CNTNAP2: variants seen among roughly 807,000 people sequenced by gnomAD.
CNTNAP2 encodes contactin associated protein 2, also known as contactin-associated protein-like 2.
Under a neutral mutation model 155.2 loss-of-function variants are expected in CNTNAP2, and 98 were observed. The ratio of observed to expected loss-of-function variants is 0.63; its 90% confidence interval spans 0.54 to 0.75. The LOEUF (loss-of-function observed/expected upper bound fraction) is 0.75, where lower values mean the gene tolerates loss of function less well. CNTNAP2 is among the 30% of genes least tolerant of loss of function. The pLI is 0.00. For synonymous variants in CNTNAP2, 651 were observed against 631.2 expected, an observed-to-expected ratio of 1.03 and a Z score of -0.47; for missense variants, 1,727 against 1,688.1, an observed-to-expected ratio of 1.02 and a Z score of -0.40.
At chr7:146,132,525 A>G (rs1797731015) in intron 1 of CNTNAP2, among the ~76,000 whole-genome samples, 1 of 149,408 alleles carries the variant, frequency 6.7e-6, no homozygotes, top group Non-Finnish European at 1.5e-5. Context: ...CTAACTCGTC[A>G]TCTAGCATTA....
chr7:148,147,323 A>G (rs1805202751), intron 16 of CNTNAP2, among the ~76,000 whole-genome samples, 168 bp from the exon 17 acceptor site: 1 of 152,196 alleles, frequency 6.6e-6, no homozygotes, highest in Admixed American at 6.5e-5. Flanking sequence ...TTAATGGTTA[A>G]TGATTGACAT....
chr7:146,686,355 G>A (rs969751158), intron 1 of CNTNAP2, among the ~76,000 whole-genome samples: 1 of 152,070 alleles, frequency 6.6e-6, no homozygotes. Flanking sequence ...GCGATTGTAC[G>A]TAGCCTGTAT....
Position 146,736,188 on chromosome 7 carries a change from C to G in CNTNAP2, c.98-38083C>G, listed in dbSNP as rs967645627. On this transcript the variant is annotated intron_variant, in intron 1 of 23. Coordinates refer to ENST00000361727, the MANE Select transcript of CNTNAP2 (RefSeq NM_014141.6). Reference sequence around the variant, plus strand: ...GATGTGGATAGGTTATATGCAAACACTGGGCCGTTTGACATAAGGGATTTG... The same window carrying G: ...GATGTGGATAGGTTATATGCAAACAGTGGGCCGTTTGACATAAGGGATTTG... Among the ~76,000 whole-genome samples the G allele has an allele frequency of 2.0e-5, 3 of 151,926 alleles. No individual in the cohort carries two copies. In the South Asian group the frequency reaches 6.2e-4, roughly 31 times the overall value.
At chr7:147,603,685 T>A (rs971974219) in intron 12 of CNTNAP2, among the ~76,000 whole-genome samples, 4 of 152,154 alleles carry the variant, frequency 2.6e-5, no homozygotes, top group Non-Finnish European at 4.4e-5. Context: ...CCCATCAAGC[T>A]ACCAATGACT....
chr7:148,383,716 AGTCCAGTTCAACCAGATC>A lies in CNTNAP2; in HGVS notation c.3545_3562del (p.Val1182_Ile1187del). On this transcript the variant is annotated inframe_deletion, in exon 22 of 24. Transcript: ENST00000361727. ...CAGGATTCACTGGTTGCCTCTCCAGAGTCCAGTTCAACCAGATCGCCCCTCTCAAGGCCGCCTTGAGGC... is the reference window on the plus strand; with the variant it reads ...CAGGATTCACTGGTTGCCTCTCCAGAGCCCCTCTCAAGGCCGCCTTGAGGC... The A allele has an allele frequency of 6.2e-7, 1 of 1,614,214 alleles. No individual in the cohort carries two copies. Among genetic ancestry groups the A allele is most frequent in the Non-Finnish European group, 8.5e-7 (1 of 1,180,032 alleles).
intron 15 of CNTNAP2, among the ~76,000 whole-genome samples, chr7:148,116,359 A>G (rs1385121758): frequency 1.3e-5 from 2 of 152,190 alleles, no homozygotes; most frequent in East Asian, 3.9e-4. Flanking sequence ...TAAATACTGA[A>G]ACGAAACTAA....
rs1211087644 is a variant in CNTNAP2, at chr7:146,347,714, C to A, written c.97+230741C>A. 6.6e-5 allele frequency among the ~76,000 whole-genome samples: 10 copies of A among 152,166 alleles called. No homozygotes were observed. The East Asian group carries it at 1.9e-3, about 29-fold the overall frequency. ...CCAAATAGTTGGGATTACAGGCACC[C>A]AACAAAACACCTTGCTAATTTTTGT... On this transcript the variant is annotated intron_variant, in intron 1 of 23. Transcript: ENST00000361727.
rs147778662 is a variant in CNTNAP2 at position 147,669,418 on chromosome 7, T to G, written c.2098+30112T>G. On this transcript the variant is annotated intron_variant, in intron 13 of 23. Transcript: ENST00000361727. The stretch of plus-strand genomic sequence containing the variant: ...TTGCATAGGTCCCTAATTAATTTTC[T>G]TAAAATAAGTCCCAAAGTGGAATTC... Among the ~76,000 whole-genome samples the G allele has an allele frequency of 3.2e-3, 495 of 152,350 alleles. 2 individuals carry two copies. Among genetic ancestry groups the G allele is most frequent in the African/African-American group, 0.011 (460 of 41,586 alleles).
intron 1 of CNTNAP2, among the ~76,000 whole-genome samples, chr7:146,267,401 G>C (rs1186769724): frequency 6.6e-6 from 1 of 152,060 alleles, no homozygotes; most frequent in African/African-American, 2.4e-5. Context: ...AACTGCTATA[G>C]GTGCTAATTG....
chr7:146,986,117 C>T (rs1798110914), intron 3 of CNTNAP2, among the ~76,000 whole-genome samples: 1 of 152,078 alleles, frequency 6.6e-6, no homozygotes, highest in South Asian at 2.1e-4. Flanking sequence ...GTAGTATACA[C>T]TGTACTCAAT....
At chr7:147,086,059 C>T (rs1337340117) in intron 4 of CNTNAP2, among the ~76,000 whole-genome samples, 1 of 152,166 alleles carries the variant, frequency 6.6e-6, no homozygotes, top group Non-Finnish European at 1.5e-5. Context: ...CAGTTTCCTA[C>T]CGCAGCTTCC....
At chr7:148,039,240 A>C (rs1802625791) in intron 15 of CNTNAP2, among the ~76,000 whole-genome samples, 1 of 152,198 alleles carries the variant, frequency 6.6e-6, no homozygotes, top group Admixed American at 6.5e-5. Flanking sequence ...TCAAGTCCAA[A>C]GGCCAGACAG....
chr7:146,711,106 GCACACACACA>G (rs910179732), intron 1 of CNTNAP2, among the ~76,000 whole-genome samples: 1 of 149,680 alleles, frequency 6.7e-6, no homozygotes, highest in Non-Finnish European at 1.5e-5. Context: ...TCCTGTATAT[GCACACACACA>G]CACAGACACA....
At chr7:147,342,495 G>A (rs1360676969) in intron 9 of CNTNAP2, among the ~76,000 whole-genome samples, 3 of 152,168 alleles carry the variant, frequency 2.0e-5, no homozygotes, top group Non-Finnish European at 4.4e-5. Flanking sequence ...CTGGTGGCCA[G>A]TTTAATGTCA....
At chr7:147,366,811 A>ACACACC (rs1344596330) in intron 9 of CNTNAP2, among the ~76,000 whole-genome samples, 7 of 88,922 alleles carry the variant, frequency 7.9e-5, no homozygotes, top group Non-Finnish European at 1.4e-4. Flanking sequence ...ACACACACAC[A>ACACACC]CCCCAATGTT....
At position 147,129,493 on chromosome 7, in the gene CNTNAP2, G is replaced by A. The variant is rs200582367; in HGVS notation, c.1083+657G>A. 2.4e-3 allele frequency among the ~76,000 whole-genome samples: 369 copies of A among 152,234 alleles called. 4 individuals are homozygous for A. The highest frequency in any genetic ancestry group is 0.021 in the Admixed American group (322 of 15,278). On this transcript the variant is annotated intron_variant, in intron 7 of 23. Transcript: ENST00000361727. ...AGCCCCAGCACACATGCTTCCAAAC[G>A]ACACTACTCCACATCCCTAAAAGAC...
At chr7:147,663,599 AC>A (rs1173791375) in intron 13 of CNTNAP2, among the ~76,000 whole-genome samples, 3 of 152,382 alleles carry the variant, frequency 2.0e-5, no homozygotes, top group African/African-American at 7.2e-5. Context: ...ACGTGGCCAA[AC>A]AATTTCTGCC....
intron 1 of CNTNAP2, among the ~76,000 whole-genome samples, chr7:146,266,435 C>A (rs1402628989): frequency 6.6e-6 from 1 of 152,138 alleles, no homozygotes; most frequent in Admixed American, 6.5e-5. Context: ...CTGTTGCCTT[C>A]AACTAAAAAC....
At chr7:147,715,806 C>G (rs1796474846) in intron 13 of CNTNAP2, among the ~76,000 whole-genome samples, 1 of 151,960 alleles carries the variant, frequency 6.6e-6, no homozygotes, top group African/African-American at 2.4e-5. Context: ...ATTTCTTTTT[C>G]TAGACATTTT....
Sources: gnomAD v4.1 joint callset for allele counts (sites outside exome capture counted in the v4.1 genomes callset) on GRCh38, gnomAD v4.1.1 for gene constraint, MANE v1.5 for transcripts, NCBI Gene and HGNC (gene_info 2026-07-23, HGNC 2026-07-21) for gene names.